AGO2: variants seen among roughly 807,000 people sequenced by gnomAD.
The protein encoded by AGO2 is argonaute RISC catalytic component 2, also known as protein argonaute-2.
In AGO2, 5 loss-of-function variants were observed where a neutral mutation model predicts 102.3. The ratio of observed to expected loss-of-function variants is 0.05; its 90% CI spans 0.03 to 0.10. The LOEUF (loss-of-function observed/expected upper bound fraction) is 0.10, where lower values mean the gene tolerates loss of function less well. Among genes scored for constraint, AGO2 ranks in the 10% least tolerant of loss-of-function variants. The probability of loss-of-function intolerance (pLI) is 1.00; values close to 1 mark genes in which losing one functional copy is unlikely to be tolerated. For missense variants in AGO2, 541 were observed against 1,183.7 expected (o/e 0.46, Z 7.97); for synonymous variants, 449 against 473.1 (o/e 0.95, Z 0.66).
chr8:140,576,925 G>A (rs1370093997), intron 2 of AGO2, among the ~76,000 whole-genome samples: 7 of 152,006 alleles, frequency 4.6e-5, no homozygotes, highest in Non-Finnish European at 1.0e-4. Context: ...CACGCTTGGC[G>A]GGCCAGGCGC....
upstream of AGO2, among the ~76,000 whole-genome samples, chr8:140,636,027 C>A (rs890943649): frequency 5.3e-5 from 8 of 150,672 alleles, no homozygotes; most frequent in Non-Finnish European, 8.9e-5. Context: ...GCCGCCGGAG[C>A]CGGAGGGGAG....
intron 1 of AGO2, among the ~76,000 whole-genome samples, chr8:140,619,576 C>G (rs2074188697): frequency 6.6e-6 from 1 of 152,156 alleles, no homozygotes; most frequent in Non-Finnish European, 1.5e-5. Flanking sequence ...CCGCAGAGCA[C>G]AGAAGAGGAG....
At position 140,528,629 on chromosome 8, in the gene AGO2, T is replaced by C. The variant is rs2072541009; in HGVS notation, c.*3415A>G. The C allele has an allele frequency of 6.6e-6, 1 of 151,906 alleles. No individual in the cohort carries two copies. Among genetic ancestry groups the C allele is most frequent in the South Asian group, 2.1e-4 (1 of 4,816 alleles). The allele number at this position is 151,906 out of a possible 1,614,324, so 9.4% of individuals were successfully genotyped here. A position where few individuals can be genotyped will look rare whatever the true frequency, so the allele number is the denominator to read the frequency against. On this transcript the variant is annotated 3_prime_UTR_variant, in exon 19 of 19. Coordinates refer to ENST00000220592, the MANE Select transcript of AGO2 (RefSeq NM_012154.5). This position sits in a 1 kb window ranked among gnomAD's most constrained non-coding sequence, Gnocchi z 4.5. ...GTGAGACCACCACCGAAAAGCAACA[T>C]CATCTGGAAAAGAAAAGGGAGACCC...
chr8:140,577,218 A>AAAAAG (rs1480366601), intron 2 of AGO2, among the ~76,000 whole-genome samples: 9 of 151,390 alleles, frequency 5.9e-5, no homozygotes, highest in African/African-American at 2.2e-4. Context: ...AAAAAAAAAA[A>AAAAAG]AAAAAAAAAA....
chr8:140,550,402 C>T (rs1019887941), intron 11 of AGO2, among the ~76,000 whole-genome samples: 13 of 152,194 alleles, frequency 8.5e-5, no homozygotes, highest in African/African-American at 2.9e-4. Flanking sequence ...CAACACAGTC[C>T]CGCTGGGCCC....
In AGO2 at chr8:140,635,589, C is replaced by A; in HGVS notation, c.-83G>T. On this transcript the variant is annotated 5_prime_UTR_variant, in exon 1 of 19. Coordinates refer to ENST00000220592, the MANE Select transcript of AGO2 (RefSeq NM_012154.5). ...CCGACGCCGCGAGCCGCGAGGGAGC[C>A]GCCGGCCGCACGATCCGCCCCGGCG... 1.1e-6 allele frequency: 1 copy of A among 929,010 alleles called. No individual in the cohort carries two copies. Among genetic ancestry groups the A allele is most frequent in the Non-Finnish European group, 1.3e-6 (1 of 781,728 alleles). 57.5% of individuals were successfully genotyped at this position (929,010 alleles called of 1,614,324 possible). A position where few individuals can be genotyped will look rare whatever the true frequency, so the allele number is the denominator to read the frequency against.
rs368297812 is a variant in AGO2, at chr8:140,549,100, G to A, written c.1588+14C>T. ...CGACGGCTCCCCACAGCCAGCGGGA[G>A]CGCCCACACCTACCGTACACGGGCG... is the stretch of plus-strand genomic sequence containing the variant. On this transcript the variant is annotated intron_variant, in intron 12 of 18. Transcript: ENST00000220592. The A allele has an allele frequency of 6.9e-6, 11 of 1,582,922 alleles. No homozygotes were observed. Among genetic ancestry groups the A allele is most frequent in the African/African-American group, 2.7e-5 (2 of 74,354 alleles).
At chr8:140,614,986 T>G (rs1588507914) in intron 1 of AGO2, among the ~76,000 whole-genome samples, 2 of 152,258 alleles carry the variant, frequency 1.3e-5, no homozygotes, top group Non-Finnish European at 2.9e-5. Context: ...GACCACTCCC[T>G]GCCAACACCA....
At chr8:140,586,765 T>C (rs1002990040) in intron 1 of AGO2, among the ~76,000 whole-genome samples, 3 of 152,114 alleles carry the variant, frequency 2.0e-5, no homozygotes, top group African/African-American at 7.2e-5. Context: ...TGCCAACACG[T>C]GGCCCTGTTC....
chr8:140,628,458 G>A (rs2074302456), intron 1 of AGO2, among the ~76,000 whole-genome samples: 1 of 152,208 alleles, frequency 6.6e-6, no homozygotes, highest in Non-Finnish European at 1.5e-5. Flanking sequence ...TTTATTCCCT[G>A]TGCATCTGCA....
At chr8:140,568,181 G>A (rs2132963698) in intron 3 of AGO2, among the ~76,000 whole-genome samples, 2 of 151,820 alleles carry the variant, frequency 1.3e-5, no homozygotes, top group Admixed American at 1.3e-4. Context: ...CTACTCAGGA[G>A]GCTGAGGTGG....
chr8:140,616,226 A>G (rs1420799100), intron 1 of AGO2, among the ~76,000 whole-genome samples: 1 of 152,178 alleles, frequency 6.6e-6, no homozygotes, highest in African/African-American at 2.4e-5. Flanking sequence ...GCACAAACTT[A>G]CTGAAGCATC....
intron 1 of AGO2, chr8:140,592,135 T>A (rs1022048468): frequency 2.1e-5 from 3 of 144,966 alleles, no homozygotes; most frequent in African/African-American, 5.1e-5. Context: ...AAAAAAAAAA[T>A]ACTATAATAA....
At chr8:140,547,444 G>T (rs781620494) in intron 13 of AGO2, 24 bp downstream of exon 13, 3 of 1,610,402 alleles carry the variant, frequency 1.9e-6, no homozygotes, top group South Asian at 2.2e-5. Flanking sequence ...GTCCGCAGGC[G>T]GAGGTAAAGG....
intron 2 of AGO2, among the ~76,000 whole-genome samples, chr8:140,579,968 C>G (rs983994973): frequency 2.0e-5 from 3 of 151,274 alleles, no homozygotes; most frequent in Non-Finnish European, 4.4e-5. Flanking sequence ...GAGCTCAAGA[C>G]GAACAAGGAG....
chr8:140,625,132 T>C (rs921007706), intron 1 of AGO2, among the ~76,000 whole-genome samples: 29 of 152,290 alleles, frequency 1.9e-4, no homozygotes, highest in African/African-American at 6.3e-4. Flanking sequence ...TCCCTGGTAT[T>C]GATCTCCCTG....
intron 17 of AGO2, among the ~76,000 whole-genome samples, chr8:140,533,178 A>C (rs1288433322): frequency 6.7e-6 from 1 of 149,478 alleles, no homozygotes; most frequent in Admixed American, 6.7e-5. Flanking sequence ...TCACAAGGTC[A>C]GGAGATCGAG....
chr8:140,590,331 G>A (rs530280350), intron 1 of AGO2, among the ~76,000 whole-genome samples: 7 of 152,354 alleles, frequency 4.6e-5, no homozygotes, highest in South Asian at 4.1e-4. Flanking sequence ...GTGACAAGAC[G>A]GGGAGGAAAA....
intron 4 of AGO2, 60 bp downstream of exon 4, chr8:140,562,393 C>T (rs1035943911): frequency 3.3e-5 from 51 of 1,550,860 alleles, no homozygotes; most frequent in African/African-American, 8.2e-5. Context: ...TCAGACCCTG[C>T]GGGGGGCCCT....
Sources: allele counts gnomAD v4.1 joint callset (sites outside exome capture counted in the v4.1 genomes callset), GRCh38; gene constraint gnomAD v4.1.1; non-coding constraint Gnocchi (gnomAD v3.1); transcripts MANE v1.5; gene names NCBI Gene and HGNC (gene_info 2026-07-23, HGNC 2026-07-21).